GFPT2: variants seen among roughly 807,000 people sequenced by gnomAD.
The protein encoded by GFPT2 is glutamine--fructose-6-phosphate transaminase 2.
GFPT2 carries 62 observed loss-of-function variants against 85.6 expected under a neutral mutation model. The ratio of observed to expected loss-of-function variants is 0.72; its 90% CI spans 0.59 to 0.90. The LOEUF (loss-of-function observed/expected upper bound fraction) is 0.90, where lower values mean the gene tolerates loss of function less well. Among genes scored for constraint, GFPT2 ranks in the 40% least tolerant of loss-of-function variants. The pLI is 0.00. For missense variants in GFPT2, 788 were observed against 893.4 expected, an observed-to-expected ratio of 0.88 and a Z score of 1.50; for synonymous variants, 368 against 344.5, an observed-to-expected ratio of 1.07 and a Z score of -0.75.
intron 10 of GFPT2, 133 bp from the exon 11 acceptor site, chr5:180,317,191 C>A: frequency 1.4e-6 from 1 of 691,944 alleles, no homozygotes; most frequent in Non-Finnish European, 2.6e-6. Flanking sequence ...CCCTGCCTGA[C>A]ACTCACTACC....
intron 5 of GFPT2, 34 bp downstream of exon 5, chr5:180,331,461 C>T (rs1424942673): frequency 1.7e-5 from 22 of 1,310,832 alleles, no homozygotes; most frequent in Admixed American, 3.4e-5. Context: ...CCAATCCCAC[C>T]GGACTGAGAC....
chr5:180,345,926 T>C (rs941083376), intron 1 of GFPT2, among the ~76,000 whole-genome samples: 1 of 151,950 alleles, frequency 6.6e-6, no homozygotes, highest in African/African-American at 2.4e-5. Context: ...CCACCAGAAC[T>C]CTCGGTTAAC....
chr5:180,343,095 A>G (rs1315194203), intron 1 of GFPT2, among the ~76,000 whole-genome samples: 1 of 152,106 alleles, frequency 6.6e-6, no homozygotes, highest in African/African-American at 2.4e-5. Flanking sequence ...CTAGAATTAT[A>G]CTTGTACCAC....
At chr5:180,342,786 C>T (rs757987299) in intron 1 of GFPT2, among the ~76,000 whole-genome samples, 5 of 151,942 alleles carry the variant, frequency 3.3e-5, no homozygotes, top group Non-Finnish European at 5.9e-5. Context: ...CCTGTAATCC[C>T]AGCTACTCAG....
intron 15 of GFPT2, among the ~76,000 whole-genome samples, chr5:180,311,830 T>C (rs868020972): frequency 2.0e-5 from 3 of 152,042 alleles, no homozygotes; most frequent in Middle Eastern, 3.4e-3. Flanking sequence ...GAGGTGACAT[T>C]TGAGCTGAGG....
At chr5:180,322,850 C>T (rs1764145439) in intron 9 of GFPT2, among the ~76,000 whole-genome samples, 1 of 151,930 alleles carries the variant, frequency 6.6e-6, no homozygotes, top group African/African-American at 2.4e-5. Context: ...TCCTGGCTAA[C>T]ACAGTGAAAC....
At chr5:180,305,629 T>C (rs879412319) in intron 16 of GFPT2, among the ~76,000 whole-genome samples, 9 of 152,176 alleles carry the variant, frequency 5.9e-5, no homozygotes, top group Admixed American at 1.3e-4. Flanking sequence ...CAGAGGACCA[T>C]GGGCTCGTGC....
chr5:180,324,664 C>A, intron 8 of GFPT2, 152 bp downstream of exon 8: 1 of 651,278 alleles, frequency 1.5e-6, no homozygotes, highest in South Asian at 1.8e-5. Flanking sequence ...CTCAGTTGCA[C>A]AAAAACCTTT....
rs556629384 is a variant in GFPT2, at chr5:180,312,632, A to C, written c.1432-88T>G. The C allele has an allele frequency of 3.2e-5, 23 of 727,556 alleles. No individual in the cohort carries two copies. In the African/African-American group the frequency reaches 4.0e-4, roughly 13 times the overall value. The allele number at this position is 727,556 out of a possible 1,614,324, so 45.1% of individuals were successfully genotyped here. A position where few individuals can be genotyped will look rare whatever the true frequency, so the allele number is the denominator to read the frequency against. On this transcript the variant is annotated intron_variant, in intron 14 of 18. Coordinates refer to ENST00000253778, the MANE Select transcript of GFPT2 (RefSeq NM_005110.4). ...TGAGACAGGGTCTACTCTGTTGCTC[A>C]CGCCTGAGTGCAGTGGCGAGATCAC...
At chr5:180,353,024 A>C in intron 1 of GFPT2, 187 bp downstream of exon 1, 1 of 406,138 alleles carries the variant, frequency 2.5e-6, no homozygotes, top group East Asian at 4.0e-5. Context: ...CGAGACGGCC[A>C]CTCGGGGAAC....
At chr5:180,351,932 T>C (rs1457981504) in intron 1 of GFPT2, among the ~76,000 whole-genome samples, 1 of 152,166 alleles carries the variant, frequency 6.6e-6, no homozygotes, top group Non-Finnish European at 1.5e-5. Context: ...GGGTCTTGAA[T>C]GCTACACTGA....
At chr5:180,351,950 G>T (rs750847799) in intron 1 of GFPT2, among the ~76,000 whole-genome samples, 31 of 152,288 alleles carry the variant, frequency 2.0e-4, no homozygotes, top group Admixed American at 3.3e-4. Context: ...TGAGAGGTGT[G>T]GAACATCAGG....
intron 4 of GFPT2, among the ~76,000 whole-genome samples, chr5:180,335,476 A>G (rs544460579): frequency 6.6e-6 from 1 of 152,336 alleles, no homozygotes; most frequent in East Asian, 1.9e-4. Context: ...CTTCTGCAGC[A>G]TTTCCGTCAC....
intron 4 of GFPT2, among the ~76,000 whole-genome samples, chr5:180,333,352 C>T (rs573918614): frequency 3.0e-4 from 46 of 152,140 alleles, no homozygotes; most frequent in Non-Finnish European, 5.0e-4. Flanking sequence ...CTCCTGCCTC[C>T]GCCTCCCGAG....
chr5:180,310,967 C>T lies in GFPT2; in HGVS notation c.1546+1463G>A, dbSNP rs549817128. Among the ~76,000 whole-genome samples the T allele has an allele frequency of 5.9e-5, 9 of 151,970 alleles. No homozygotes were observed. The South Asian group carries it at 6.2e-4, about 11-fold the overall frequency. The stretch of plus-strand genomic sequence containing the variant: ...ACATCTGGAGAACCACTGACTTAGA[C>T]GTCAGAATTGGGTCCTGTTTTGCAT... On this transcript the variant is annotated intron_variant, in intron 15 of 18. Transcript: ENST00000253778.
intron 13 of GFPT2, 40 bp downstream of exon 13, chr5:180,316,301 G>T: frequency 1.2e-6 from 2 of 1,610,338 alleles, no homozygotes; most frequent in South Asian, 2.2e-5. Flanking sequence ...GCCCAGAGCT[G>T]ACCTGATGCA....
At chr5:180,316,241 A>T (rs1764006372) in intron 13 of GFPT2, 100 bp downstream of exon 13, 5 of 1,211,482 alleles carry the variant, frequency 4.1e-6, no homozygotes, top group Non-Finnish European at 5.9e-6. Flanking sequence ...GGTTCGCAGC[A>T]CAGGGTAGCC....
intron 1 of GFPT2, among the ~76,000 whole-genome samples, chr5:180,342,305 CAT>C (rs1219541335): frequency 6.6e-6 from 1 of 151,612 alleles, no homozygotes; most frequent in African/African-American, 2.4e-5. Flanking sequence ...TTTCTGGAGA[CAT>C]AAGTCATGTA....
intron 1 of GFPT2, among the ~76,000 whole-genome samples, chr5:180,344,140 C>A (rs1764567409): frequency 6.6e-6 from 1 of 152,220 alleles, no homozygotes; most frequent in Non-Finnish European, 1.5e-5. Context: ...GAAAGCTGTG[C>A]ATTCTCTTGG....
Sources: gnomAD v4.1 joint callset for allele counts (sites outside exome capture counted in the v4.1 genomes callset) on GRCh38, gnomAD v4.1.1 for gene constraint, MANE v1.5 for transcripts, NCBI Gene and HGNC (gene_info 2026-07-23, HGNC 2026-07-21) for gene names.